Variants in GRM2 observed in about 807,000 individuals in gnomAD.
The protein encoded by GRM2 is glutamate metabotropic receptor 2.
A neutral mutation model predicts 60.4 loss-of-function variants in GRM2; 35 were observed. The observed-to-expected ratio is 0.58, with a 90% CI of 0.44 to 0.77. GRM2 has a LOEUF of 0.77. Among genes scored for constraint, GRM2 ranks in the 30% least tolerant of loss-of-function variants. The probability of loss-of-function intolerance (pLI) is 0.00; values close to 1 mark genes in which losing one functional copy is unlikely to be tolerated. For synonymous variants in GRM2, 437 were observed against 484.1 expected, an observed-to-expected ratio of 0.90 and a Z score of 1.28; for missense variants, 925 against 1,199.5, an observed-to-expected ratio of 0.77 and a Z score of 3.38.
In GRM2 at chr3:51,715,239, C is replaced by T. The variant is rs1178203294; in HGVS notation, c.1466C>T (p.Ser489Leu). ...GACACCAGCCTCATCCCATGGGCCT[C>T]ACCCTCAGCCGGCCCCCTGCCCGCC... is the stretch of plus-strand genomic sequence containing the variant. ...TLDTSLIPWA[S>L]PSAGPLPASR... is the part of the protein sequence containing the mutation. The change falls in exon 4 of 6, where the codon TCA (serine) becomes TTA (leucine). Residue 489 changes from serine (S) to leucine (L), a missense_variant. Physicochemically the swap from Ser to Leu is moderately radical, Grantham distance 145. Coordinates refer to ENST00000395052, the MANE Select transcript of GRM2 (RefSeq NM_000839.5). This position sits in a 1 kb window ranked among gnomAD's most constrained non-coding sequence, Gnocchi z 9.0. 2.5e-6 allele frequency: 4 copies of T among 1,610,908 alleles called. No homozygotes were observed. The highest frequency in any genetic ancestry group is 3.4e-6 in the Non-Finnish European group (4 of 1,178,092).
rs765883696 is a variant in GRM2, at chr3:51,715,993, G to C, written c.2220G>C (p.Ala740=). Residue 740 remains alanine, a synonymous_variant, in exon 4 of 6, where the codon GCG becomes GCC. Coordinates refer to ENST00000395052, the MANE Select transcript of GRM2 (RefSeq NM_000839.5). The surrounding 1 kb of genome is among the most constrained non-coding windows in gnomAD (Gnocchi z 9.0). Reference sequence around the variant, plus strand: ...TGGCCTACAATGTGCTCCTCATCGCGCTCTGCACGCTTTATGCCTTCAAGA... The same window carrying C: ...TGGCCTACAATGTGCTCCTCATCGCCCTCTGCACGCTTTATGCCTTCAAGA... ...GSLAYNVLLI[A]LCTLYAFKTR... The C allele has an allele frequency of 6.2e-7, 1 of 1,614,158 alleles. No individual in the cohort carries two copies.
chr3:51,707,504 C>G (rs539946071), intron 1 of GRM2: 2 of 153,762 alleles, frequency 1.3e-5, no homozygotes, highest in South Asian at 4.1e-4. Flanking sequence ...TGTCTGACTC[C>G]GGGTTTCTGT....
intron 3 of GRM2, chr3:51,714,856 T>C: frequency 4.6e-6 from 2 of 439,296 alleles, no homozygotes; most frequent in Non-Finnish European, 8.0e-6. Flanking sequence ...GGGTTTGATG[T>C]TGGAGTTTAG....
At position 51,718,250 on chromosome 3, in the gene GRM2, A is replaced by C. The variant is rs1471268789; in HGVS notation, c.*138A>C. ...TGTCTGCCCCCAAAGTCACTTACCC[A>C]CCTCCTTACCCCAGCTCTTCAGACT... is the stretch of plus-strand genomic sequence containing the variant. On this transcript the variant is annotated 3_prime_UTR_variant, in exon 6 of 6. Coordinates refer to ENST00000395052, the MANE Select transcript of GRM2 (RefSeq NM_000839.5). This position sits in a 1 kb window ranked among gnomAD's most constrained non-coding sequence, Gnocchi z 4.2. 2 of 748,612 alleles carry C rather than the reference A, an allele frequency of 2.7e-6. No homozygotes were observed. The highest frequency in any genetic ancestry group is 4.8e-6 in the Non-Finnish European group (2 of 417,284). The allele number at this position is 748,612 out of a possible 1,614,324, so 46.4% of individuals were successfully genotyped here.
At chr3:51,708,764 G>T (rs1047969883) in intron 1 of GRM2, 84 bp from the exon 2 acceptor site, 3 of 497,984 alleles carry the variant, frequency 6.0e-6, no homozygotes, top group African/African-American at 3.8e-5. Context: ...AAAGGGGCTC[G>T]TGGGGAGGCA....
rs1577566715 is a variant in GRM2 at position 51,717,630 on chromosome 3, A to G, written c.2365-7A>G. 2 of 1,610,472 alleles carry G rather than the reference A, an allele frequency of 1.2e-6. No homozygotes were observed. Among genetic ancestry groups the G allele is most frequent in the East Asian group, 4.5e-5 (2 of 44,838 alleles). Reference sequence around the variant, plus strand: ...CCTGTGCTTGTTCACCCACTCACCCACCGCAGGTACAGACCACCACCATGT... The same window carrying G: ...CCTGTGCTTGTTCACCCACTCACCCGCCGCAGGTACAGACCACCACCATGT... On this transcript the variant is annotated splice_region_variant and splice_polypyrimidine_tract_variant and intron_variant, in intron 4 of 5. Transcript: ENST00000395052. The surrounding 1 kb of genome is among the most constrained non-coding windows in gnomAD (Gnocchi z 6.0).
Position 51,712,478 on chromosome 3 carries a change from C to A in GRM2, c.456C>A (p.Ala152=). The part of the protein sequence containing the change: ...GSYSDVSIQV[A]NLLRLFQIPQ... ...CTTCTCTACTCCTCCCCCAGGTGGCCAACCTCTTGAGGCTATTTCAGATCC... is the reference window on the plus strand; with the variant it reads ...CTTCTCTACTCCTCCCCCAGGTGGCAAACCTCTTGAGGCTATTTCAGATCC... Residue 152 remains alanine (A), a synonymous_variant, in exon 3 of 6, where the codon GCC becomes GCA. Coordinates refer to ENST00000395052, the MANE Select transcript of GRM2 (RefSeq NM_000839.5). The surrounding 1 kb of genome is among the most constrained non-coding windows in gnomAD (Gnocchi z 5.3). 1 of 1,608,796 alleles carries A rather than the reference C, an allele frequency of 6.2e-7. No individual in the cohort carries two copies. The highest frequency in any genetic ancestry group is 8.5e-7 in the Non-Finnish European group (1 of 1,175,772).
Position 51,715,672 on chromosome 3 carries a change from C to A in GRM2, c.1899C>A (p.Thr633=). 1 of 1,614,280 alleles carries A rather than the reference C, an allele frequency of 6.2e-7. No homozygotes were observed. The highest frequency in any genetic ancestry group is 1.1e-5 in the South Asian group (1 of 91,086). Residue 633 remains threonine, a synonymous_variant, in exon 4 of 6, where the codon ACC becomes ACA. Coordinates refer to ENST00000395052, the MANE Select transcript of GRM2 (RefSeq NM_000839.5). The surrounding 1 kb of genome is among the most constrained non-coding windows in gnomAD (Gnocchi z 9.0). ...FIAKPSTAVC[T]LRRLGLGTAF... is the part of the protein sequence containing the mutation. ...CCAAGCCATCCACGGCAGTGTGTAC[C>A]TTACGGCGTCTTGGTTTGGGCACTG...
Position 51,708,972 on chromosome 3 carries a change from C to T in GRM2, c.-12C>T. 1 of 1,552,834 alleles carries T rather than the reference C, an allele frequency of 6.4e-7. No homozygotes were observed. The highest frequency in any genetic ancestry group is 1.2e-5 in the South Asian group (1 of 83,266). On this transcript the variant is annotated 5_prime_UTR_variant, in exon 2 of 6. Coordinates refer to ENST00000395052, the MANE Select transcript of GRM2 (RefSeq NM_000839.5). ...CCCAGGTCTGCGGGACCCATCCATC[C>T]CCTTTGGGGCCATGGGATCGCTGCT...
chr3:51,716,340 TAGAG>T lies in GRM2; in HGVS notation c.2364+208_2364+211del, dbSNP rs1438840235. Reference sequence around the variant, plus strand: ...GGCCAGGGAGGTGGGGAACTCGAGTTAGAGAGAGCTGAGATTTCAGGACTTGAAT... The same window carrying T: ...GGCCAGGGAGGTGGGGAACTCGAGTTAGAGCTGAGATTTCAGGACTTGAAT... On this transcript the variant is annotated intron_variant, in intron 4 of 5. Coordinates refer to ENST00000395052, the MANE Select transcript of GRM2 (RefSeq NM_000839.5). The surrounding 1 kb of genome is among the most constrained non-coding windows in gnomAD (Gnocchi z 4.0). Among the ~76,000 whole-genome samples, 1 of 152,048 alleles carries T rather than the reference TAGAG, an allele frequency of 6.6e-6. No homozygotes were observed. The highest frequency in any genetic ancestry group is 2.4e-5 in the African/African-American group (1 of 41,408).
At chr3:51,714,951 C>T in intron 3 of GRM2, 111 bp from the exon 4 acceptor site, 1 of 632,546 alleles carries the variant, frequency 1.6e-6, no homozygotes, top group East Asian at 2.8e-5. Flanking sequence ...ATTGGAAGGG[C>T]TAATGGTGGT....
chr3:51,709,413 T>C lies in GRM2; in HGVS notation c.430T>C (p.Tyr144His). 1 of 1,560,138 alleles carries C rather than the reference T, an allele frequency of 6.4e-7. No homozygotes were observed. Among genetic ancestry groups the C allele is most frequent in the African/African-American group, 1.3e-5 (1 of 74,190 alleles). Residue 144 changes from tyrosine (Y) to histidine (H), a missense_variant, in exon 2 of 6, where the codon TAC becomes CAC. Tyr to His is a moderately conservative substitution (Grantham distance 83). Transcript: ENST00000395052. The stretch of plus-strand genomic sequence containing the variant: ...CATCACTGGTGTTATTGGCGGTTCC[T>C]ACAGTGATGTCTCCATCCAGGTACG... ...TAITGVIGGS[Y>H]SDVSIQVANL...
At position 51,712,712 on chromosome 3, in the gene GRM2, C is replaced by G. The variant is rs747727617; in HGVS notation, c.690C>G (p.Ala230=). Residue 230 remains alanine, a synonymous_variant, in exon 3 of 6, where the codon GCC becomes GCG. Coordinates refer to ENST00000395052, the MANE Select transcript of GRM2 (RefSeq NM_000839.5). The surrounding 1 kb of genome is among the most constrained non-coding windows in gnomAD (Gnocchi z 5.3). ...GIEAFELEAR[A]RNICVATSEK... Reference sequence around the variant, plus strand: ...AGGCCTTTGAGCTAGAGGCTCGTGCCCGCAACATCTGTGTGGCCACCTCGG... The same window carrying G: ...AGGCCTTTGAGCTAGAGGCTCGTGCGCGCAACATCTGTGTGGCCACCTCGG... 15 of 1,613,758 alleles carry G rather than the reference C, an allele frequency of 9.3e-6. No homozygotes were observed. Among genetic ancestry groups the G allele is most frequent in the Non-Finnish European group, 1.2e-5 (14 of 1,180,026 alleles).
Position 51,708,842 on chromosome 3 carries a change from C to G in GRM2, c.-136-6C>G, listed in dbSNP as rs1262013300. 4.9e-6 allele frequency: 3 copies of G among 610,074 alleles called. No homozygotes were observed. The highest frequency in any genetic ancestry group is 8.3e-6 in the Non-Finnish European group (3 of 360,382). 37.8% of individuals were successfully genotyped at this position (610,074 alleles called of 1,614,324 possible). ...TCTGTTTTTCTGTCTTTCTATCTCT[C>G]TGCAGGAGCTGGGTCCCTTCGCATC... On this transcript the variant is annotated splice_polypyrimidine_tract_variant and splice_region_variant and intron_variant, in intron 1 of 5. Transcript: ENST00000395052.
At chr3:51,714,513 C>G (rs1352338309) in intron 3 of GRM2, 1 of 153,526 alleles carries the variant, frequency 6.5e-6, no homozygotes, top group African/African-American at 2.4e-5. Context: ...TGACCACATT[C>G]TGGTGAATGG....
At chr3:51,711,131 G>A (rs543774538) in intron 2 of GRM2, 1 of 152,372 alleles carries the variant, frequency 6.6e-6, no homozygotes, top group South Asian at 2.1e-4. Flanking sequence ...TCCACTGCTG[G>A]GAGTGGATTA....
rs1286291753 is a variant in GRM2 at position 51,708,879 on chromosome 3, C to T, written c.-105C>T. The T allele has an allele frequency of 7.2e-6, 6 of 828,022 alleles. No individual in the cohort carries two copies. The East Asian group carries it at 1.1e-4, about 15-fold the overall frequency. 51.3% of individuals were successfully genotyped at this position (828,022 alleles called of 1,614,324 possible). ...GGTCCCTTCGCATCTCTCTTCTTGT[C>T]TGTCCTTTCCTGGTCCCTGTTTCCT... On this transcript the variant is annotated 5_prime_UTR_variant, in exon 2 of 6. Coordinates refer to ENST00000395052, the MANE Select transcript of GRM2 (RefSeq NM_000839.5).
rs1233065208 is a variant in GRM2, at chr3:51,712,925, G to C, written c.903G>C (p.Glu301Asp). 8 of 1,612,970 alleles carry C rather than the reference G, an allele frequency of 5.0e-6. No homozygotes were observed. Among genetic ancestry groups the C allele is most frequent in the Admixed American group, 1.7e-5 (1 of 60,012 alleles). The change falls in exon 3 of 6, where the codon GAG becomes GAC. Residue 301 changes from glutamate to aspartate, a missense_variant. Transcript: ENST00000395052. This position sits in a 1 kb window ranked among gnomAD's most constrained non-coding sequence, Gnocchi z 5.3. ...WVASDGWGAL[E>D]SVVAGSEGAA... is the part of the protein sequence containing the mutation. ...CCAGTGATGGTTGGGGGGCCCTGGA[G>C]AGTGTGGTGGCAGGCAGTGAGGGGG...
Position 51,708,963 on chromosome 3 carries a change from C to A in GRM2, c.-21C>A. 12 of 1,535,076 alleles carry A rather than the reference C, an allele frequency of 7.8e-6. No individual in the cohort carries two copies. Among genetic ancestry groups the A allele is most frequent in the Non-Finnish European group, 1.1e-5 (12 of 1,135,880 alleles). Reference sequence around the variant, plus strand: ...CCCTGGAGACCCAGGTCTGCGGGACCCATCCATCCCCTTTGGGGCCATGGG... The same window carrying A: ...CCCTGGAGACCCAGGTCTGCGGGACACATCCATCCCCTTTGGGGCCATGGG... On this transcript the variant is annotated 5_prime_UTR_variant, in exon 2 of 6. Transcript: ENST00000395052.
Sources: allele counts gnomAD v4.1 joint callset (sites outside exome capture counted in the v4.1 genomes callset), GRCh38; gene constraint gnomAD v4.1.1; non-coding constraint Gnocchi (gnomAD v3.1); transcripts MANE v1.5; gene names NCBI Gene and HGNC (gene_info 2026-07-23, HGNC 2026-07-21).